Variants in GALNT2 observed in about 807,000 individuals in gnomAD.
GALNT2 encodes UDP-GalNAc:polypeptide N-acetylgalactosaminyltransferase 2.
GALNT2 carries 31 observed loss-of-function variants against 81.4 expected under a neutral mutation model. The observed-to-expected ratio is 0.38, with a 90% CI of 0.29 to 0.51. GALNT2 has a LOEUF of 0.51. Ranked by LOEUF, GALNT2 falls within the 20% of genes least tolerant of loss-of-function variation. The pLI is 0.87. For missense variants in GALNT2, 629 were observed against 765.7 expected, an observed-to-expected ratio of 0.82 and a Z score of 2.11; for synonymous variants, 303 against 287.4, an observed-to-expected ratio of 1.05 and a Z score of -0.55.
chr1:230,207,150 T>C lies in GALNT2; in HGVS notation c.374+3860T>C, dbSNP rs200218960. Among the ~76,000 whole-genome samples the C allele has an allele frequency of 5.3e-5, 8 of 152,000 alleles. No individual in the cohort carries two copies. The East Asian group carries it at 1.5e-3, about 29-fold the overall frequency. Reference sequence around the variant, plus strand: ...GTAAATTCAATAAGTATTTGCTGAGTGAGTGAATTGTTTAGCAGAGTGCCT... The same window carrying C: ...GTAAATTCAATAAGTATTTGCTGAGCGAGTGAATTGTTTAGCAGAGTGCCT... On this transcript the variant is annotated intron_variant, in intron 3 of 15. Transcript: ENST00000366672.
chr1:230,269,698 C>T (rs1666121083), intron 14 of GALNT2, among the ~76,000 whole-genome samples: 1 of 149,964 alleles, frequency 6.7e-6, no homozygotes, highest in Non-Finnish European at 1.5e-5. Context: ...AGTTCAAGAC[C>T]AGGCTGGACA....
chr1:230,189,093 G>A (rs1214577573), intron 2 of GALNT2, among the ~76,000 whole-genome samples: 1 of 152,172 alleles, frequency 6.6e-6, no homozygotes, highest in African/African-American at 2.4e-5. Context: ...TGAGGTTCTT[G>A]TTGGAGATCT....
chr1:230,182,956 A>T (rs1280681346), intron 2 of GALNT2, among the ~76,000 whole-genome samples: 1 of 152,144 alleles, frequency 6.6e-6, no homozygotes, highest in Non-Finnish European at 1.5e-5. Context: ...CACATTAAGG[A>T]TTGTTGTATC....
Position 230,280,645 on chromosome 1 carries a change from A to G in GALNT2, c.*1187A>G, listed in dbSNP as rs1666411561. 6.7e-6 allele frequency: 1 copy of G among 150,254 alleles called. No homozygotes were observed. Among genetic ancestry groups the G allele is most frequent in the Admixed American group, 6.6e-5 (1 of 15,048 alleles). 9.3% of individuals were successfully genotyped at this position (150,254 alleles called of 1,614,324 possible). ...GTCAGCCAGGGCACAGGCCTGGCTC[A>G]CAGTCCTGCACACCTGCTGGCCTGG... is the stretch of plus-strand genomic sequence containing the variant. On this transcript the variant is annotated 3_prime_UTR_variant, in exon 16 of 16. Transcript: ENST00000366672.
chr1:230,110,710 TTCTG>T, intron 1 of GALNT2, among the ~76,000 whole-genome samples: 1 of 131,574 alleles, frequency 7.6e-6, no homozygotes, highest in Non-Finnish European at 1.6e-5. Context: ...AGCTGTGCTT[TTCTG>T]TTTTTTTTTT....
chr1:230,068,399 A>C (rs1659273469), intron 1 of GALNT2, among the ~76,000 whole-genome samples: 1 of 152,200 alleles, frequency 6.6e-6, no homozygotes, highest in South Asian at 2.1e-4. Flanking sequence ...GGACGTTTGT[A>C]GTGTTTTACT....
At chr1:230,255,158 G>C in intron 10 of GALNT2, 60 bp from the exon 11 acceptor site, 1 of 1,612,768 alleles carries the variant, frequency 6.2e-7, no homozygotes, top group Non-Finnish European at 8.5e-7. Context: ...TGGTGTGTCT[G>C]CTGTTGCAGA....
intron 2 of GALNT2, among the ~76,000 whole-genome samples, chr1:230,195,468 G>A (rs530605439): frequency 3.0e-4 from 46 of 152,244 alleles, no homozygotes; most frequent in African/African-American, 1.1e-3. Context: ...GGTGCAGAGA[G>A]GCAGCAGCTA....
chr1:230,194,335 G>A lies in GALNT2; in HGVS notation c.221-8802G>A, dbSNP rs536644765. 1.1e-4 allele frequency among the ~76,000 whole-genome samples: 17 copies of A among 152,286 alleles called. No homozygotes were observed. The East Asian group carries it at 2.5e-3, about 23-fold the overall frequency. ...AGGGATGCGTCCTGCAGAATGGACC[G>A]GCAGACAGAAGTGGTGGGAAGTTCA... On this transcript the variant is annotated intron_variant, in intron 2 of 15. Coordinates refer to ENST00000366672, the MANE Select transcript of GALNT2 (RefSeq NM_004481.5).
intron 1 of GALNT2, among the ~76,000 whole-genome samples, chr1:230,130,674 T>A (rs1661339574): frequency 6.6e-6 from 1 of 152,218 alleles, no homozygotes; most frequent in African/African-American, 2.4e-5. Context: ...GCTGCCCGGC[T>A]GTGCCCAAAG....
chr1:230,269,185 A>AG lies in GALNT2; in HGVS notation c.1440+3820dup, dbSNP rs1312631339. The stretch of plus-strand genomic sequence containing the variant: ...GAGACGGAGTTTGGCTGTGTTGCCC[A>AG]GGCTTTTTTTTTTTTTTTGAGACGG... On this transcript the variant is annotated intron_variant, in intron 14 of 15. Transcript: ENST00000366672. Among the ~76,000 whole-genome samples, 3 of 108,022 alleles carry AG rather than the reference A, an allele frequency of 2.8e-5. No individual in the cohort carries two copies. The East Asian group carries it at 9.6e-4, about 34-fold the overall frequency. The allele number at this position is 108,022 out of a possible 152,430, so 70.9% of individuals were successfully genotyped here. A position where few individuals can be genotyped will look rare whatever the true frequency, so the allele number is the denominator to read the frequency against.
chr1:230,152,452 T>C (rs1434075395), intron 1 of GALNT2, among the ~76,000 whole-genome samples: 1 of 152,220 alleles, frequency 6.6e-6, no homozygotes, highest in Non-Finnish European at 1.5e-5. Flanking sequence ...TCATGATGAA[T>C]AATTAAATAG....
At chr1:230,216,337 C>T (rs773906651) in intron 3 of GALNT2, among the ~76,000 whole-genome samples, 4 of 152,212 alleles carry the variant, frequency 2.6e-5, no homozygotes, top group Non-Finnish European at 5.9e-5. Flanking sequence ...AATATGGTTT[C>T]GGAGATTACT....
At chr1:230,179,440 T>C (rs1399953609) in intron 2 of GALNT2, among the ~76,000 whole-genome samples, 1 of 152,222 alleles carries the variant, frequency 6.6e-6, no homozygotes, top group East Asian at 1.9e-4. Context: ...GGTTCCTGTT[T>C]CTCTACATCC....
At chr1:230,231,564 A>AG (rs1664866427) in intron 3 of GALNT2, among the ~76,000 whole-genome samples, 2 of 152,206 alleles carry the variant, frequency 1.3e-5, no homozygotes, top group East Asian at 3.8e-4. Context: ...AAGCCCAGGT[A>AG]TAACGTCTGC....
chr1:230,075,575 G>A (rs1421533729), intron 1 of GALNT2, among the ~76,000 whole-genome samples: 1 of 152,200 alleles, frequency 6.6e-6, no homozygotes, highest in Non-Finnish European at 1.5e-5. Context: ...CTTTCAGTGA[G>A]TATCTCTTGA....
At chr1:230,166,847 A>G (rs1022432957) in intron 1 of GALNT2, among the ~76,000 whole-genome samples, 1 of 152,160 alleles carries the variant, frequency 6.6e-6, no homozygotes, top group Admixed American at 6.5e-5. Flanking sequence ...GAATTGCTGT[A>G]GTGGGGGAGT....
chr1:230,142,113 C>T (rs974757170), intron 1 of GALNT2, among the ~76,000 whole-genome samples: 31 of 151,994 alleles, frequency 2.0e-4, no homozygotes, highest in Non-Finnish European at 7.4e-5. Flanking sequence ...CACCACACTG[C>T]TTAATAAAAG....
At chr1:230,085,046 G>A (rs1294724763) in intron 1 of GALNT2, among the ~76,000 whole-genome samples, 3 of 152,162 alleles carry the variant, frequency 2.0e-5, no homozygotes, top group Admixed American at 1.3e-4. Context: ...GAGAAAGATT[G>A]TGCAGTGATG....
Sources: allele counts gnomAD v4.1 joint callset (sites outside exome capture counted in the v4.1 genomes callset), GRCh38; gene constraint gnomAD v4.1.1; transcripts MANE v1.5; gene names NCBI Gene and HGNC (gene_info 2026-07-23, HGNC 2026-07-21).